Variants in STK3 observed in about 807,000 individuals in gnomAD.
STK3 encodes the protein serine/threonine kinase 3.
Under a neutral mutation model 58.0 loss-of-function variants are expected in STK3, and 41 were observed. The ratio of observed to expected loss-of-function variants is 0.71; its 90% confidence interval spans 0.55 to 0.92. STK3 has a LOEUF of 0.92. Ranked by LOEUF, STK3 falls within the 40% of genes least tolerant of loss-of-function variation. STK3 has a pLI of 0.00. For missense variants in STK3, 479 were observed against 602.7 expected, an observed-to-expected ratio of 0.79 and a Z score of 2.15; for synonymous variants, 170 against 191.0, an observed-to-expected ratio of 0.89 and a Z score of 0.91.
At chr8:98,624,644 G>A (rs1013199438) in intron 6 of STK3, among the ~76,000 whole-genome samples, 1 of 152,142 alleles carries the variant, frequency 6.6e-6, no homozygotes, top group African/African-American at 2.4e-5. Flanking sequence ...CTTGAGGTCA[G>A]GAGTTCGAGA....
intron 8 of STK3, among the ~76,000 whole-genome samples, chr8:98,562,736 TG>T (rs1812150847): frequency 8.8e-5 from 1 of 11,312 alleles, no homozygotes. Context: ...CCACAAAAAA[TG>T]AAAAAAAAAA....
chr8:98,648,786 G>T (rs1041809905), intron 6 of STK3, among the ~76,000 whole-genome samples: 2 of 152,050 alleles, frequency 1.3e-5, no homozygotes, highest in African/African-American at 2.4e-5. Flanking sequence ...CAGCTACTCG[G>T]GAGGCTGAGG....
intron 8 of STK3, among the ~76,000 whole-genome samples, chr8:98,551,111 C>T (rs552644945): frequency 7.4e-4 from 113 of 152,212 alleles, no homozygotes; most frequent in Admixed American, 1.2e-3. Flanking sequence ...CCTTTGTGTA[C>T]GTCTTATTCT....
At chr8:98,751,235 G>A (rs1049621582) in intron 3 of STK3, among the ~76,000 whole-genome samples, 1 of 152,144 alleles carries the variant, frequency 6.6e-6, no homozygotes, top group African/African-American at 2.4e-5. Flanking sequence ...GTTTAACATA[G>A]TATTGGAAGT....
chr8:98,358,709 A>C, the STK3 span, among the ~76,000 whole-genome samples: 7 of 152,014 alleles, frequency 4.6e-5, no homozygotes, highest in African/African-American at 1.4e-4. Flanking sequence ...TAGGGGAATG[A>C]GGGGGGAGTG....
chr8:98,577,058 C>T lies in STK3; in HGVS notation c.948+2606G>A, dbSNP rs1813468154. Reference sequence around the variant, plus strand: ...GCTTTCTTATCAAAATCTGGCACTCCCCTGGATGCTGTTAAGTTTTCTATC... The same window carrying T: ...GCTTTCTTATCAAAATCTGGCACTCTCCTGGATGCTGTTAAGTTTTCTATC... On this transcript the variant is annotated intron_variant, in intron 8 of 10. Transcript: ENST00000419617. 2.0e-5 allele frequency among the ~76,000 whole-genome samples: 3 copies of T among 152,116 alleles called. No individual in the cohort carries two copies. In the South Asian group the frequency reaches 6.2e-4, roughly 32 times the overall value.
intron 7 of STK3, among the ~76,000 whole-genome samples, chr8:98,580,133 T>C (rs577994289): frequency 6.6e-6 from 1 of 152,310 alleles, no homozygotes; most frequent in South Asian, 2.1e-4. Flanking sequence ...ATATTACACA[T>C]AGAAATAAAC....
chr8:98,546,880 T>G (rs1180526215), intron 9 of STK3, among the ~76,000 whole-genome samples: 1 of 152,092 alleles, frequency 6.6e-6, no homozygotes, highest in African/African-American at 2.4e-5. Context: ...CTATCCAAAG[T>G]ACATATGCAA....
intron 1 of STK3, among the ~76,000 whole-genome samples, chr8:98,888,642 C>T (rs1838082521): frequency 1.3e-5 from 2 of 152,236 alleles, no homozygotes; most frequent in South Asian, 4.1e-4. Flanking sequence ...GAGGGTCCCA[C>T]ATCCAGATGT....
chr8:98,526,845 T>C lies in STK3; in HGVS notation c.1214A>G (p.Lys405Arg), dbSNP rs1276226100. The C allele has an allele frequency of 6.2e-7, 1 of 1,600,172 alleles. No individual in the cohort carries two copies. Among genetic ancestry groups the C allele is most frequent in the Non-Finnish European group, 8.5e-7 (1 of 1,171,194 alleles). ...GTTCTGATTACAGTTTTCGTGACTC[T>C]TATTCTTGAAGTCTTGCTTATCAAA... Reference protein sequence around the residue: ...DYFDKQDFKNKSHENCNQNMH... With the variant: ...DYFDKQDFKNRSHENCNQNMH... The change falls in exon 10 of 11, where the codon AAG becomes AGG. Residue 405 changes from lysine to arginine, a missense_variant. Lys to Arg is a conservative substitution (Grantham distance 26). Around this residue, in one of 3 missense-constraint regions of STK3, gnomAD observed 309 missense variants for 355.7 expected, o/e 0.87. Coordinates refer to ENST00000419617, the MANE Select transcript of STK3 (RefSeq NM_006281.4).
At chr8:98,358,711 G>A in the STK3 span, among the ~76,000 whole-genome samples, 418 of 152,230 alleles carry the variant, frequency 2.7e-3, 2 homozygotes, top group African/African-American at 9.5e-3. Flanking sequence ...GGGGAATGAG[G>A]GGGGAGTGAC....
Position 98,640,922 on chromosome 8 carries a change from T to C in STK3, c.685-44753A>G, listed in dbSNP as rs372229578. ...TAAATATTTAAGAGTATAATATGTTTATACTACTATATTTATATGTTATAA... is the reference window on the plus strand; with the variant it reads ...TAAATATTTAAGAGTATAATATGTTCATACTACTATATTTATATGTTATAA... On this transcript the variant is annotated intron_variant, in intron 6 of 10. Transcript: ENST00000419617. 7.1e-3 allele frequency among the ~76,000 whole-genome samples: 1,076 copies of C among 151,110 alleles called. 11 individuals are homozygous for C. Among genetic ancestry groups the C allele is most frequent in the South Asian group, 0.037 (180 of 4,800 alleles).
At chr8:98,801,385 TC>T (rs1191620799) in intron 1 of STK3, among the ~76,000 whole-genome samples, 2 of 152,144 alleles carry the variant, frequency 1.3e-5, no homozygotes, top group African/African-American at 4.8e-5. Flanking sequence ...TCGGTCCCCT[TC>T]CACACTGTGG....
At chr8:98,540,090 A>T (rs1368085018) in intron 9 of STK3, among the ~76,000 whole-genome samples, 1 of 152,154 alleles carries the variant, frequency 6.6e-6, no homozygotes, top group Non-Finnish European at 1.5e-5. Context: ...GTCTCCACCT[A>T]CATCGCCATC....
At chr8:98,886,048 G>A (rs1186818536) in intron 1 of STK3, among the ~76,000 whole-genome samples, 1 of 152,172 alleles carries the variant, frequency 6.6e-6, no homozygotes, top group East Asian at 1.9e-4. Flanking sequence ...CCAGAGGTTG[G>A]GAGTGAGAAG....
chr8:98,464,561 A>AG (rs1563628518), intron 10 of STK3, among the ~76,000 whole-genome samples: 2 of 149,036 alleles, frequency 1.3e-5, no homozygotes, highest in African/African-American at 2.5e-5. Context: ...AAAAAAAAAA[A>AG]AAAGAAAGAA....
intron 9 of STK3, among the ~76,000 whole-genome samples, chr8:98,528,862 T>C (rs933394152): frequency 5.3e-5 from 8 of 152,204 alleles, no homozygotes; most frequent in African/African-American, 1.4e-4. Context: ...TTCGTATAAT[T>C]GTCCCTCAAA....
intron 3 of STK3, among the ~76,000 whole-genome samples, chr8:98,878,118 T>G (rs927041041): frequency 2.0e-5 from 3 of 151,618 alleles, no homozygotes; most frequent in Admixed American, 2.0e-4. Context: ...AGTGGTGTGA[T>G]CTCAGCTTAC....
intron 6 of STK3, among the ~76,000 whole-genome samples, chr8:98,614,519 G>A (rs186897825): frequency 5.3e-5 from 8 of 152,304 alleles, no homozygotes; most frequent in Non-Finnish European, 8.8e-5. Flanking sequence ...GCAGAAGATG[G>A]GTGATTTCTG....
Sources: gnomAD v4.1 joint callset for allele counts (sites outside exome capture counted in the v4.1 genomes callset) on GRCh38, gnomAD v4.1.1 for gene constraint, gnomAD v4.1.1 regional missense constraint, MANE v1.5 for transcripts, NCBI Gene and HGNC (gene_info 2026-07-23, HGNC 2026-07-21) for gene names.